Variants in CTC1 observed in about 807,000 individuals in gnomAD.
The protein encoded by CTC1 is CST complex subunit CTC1.
In CTC1, 91 loss-of-function variants were observed where a neutral mutation model predicts 136.3. The ratio of observed to expected loss-of-function variants is 0.67; its 90% CI spans 0.56 to 0.79. The LOEUF (loss-of-function observed/expected upper bound fraction) is 0.79. Among genes scored for constraint, CTC1 ranks in the 30% least tolerant of loss-of-function variants. The pLI is 0.00. For missense variants in CTC1, 1,432 were observed against 1,498.1 expected, an observed-to-expected ratio of 0.96 and a Z score of 0.73; for synonymous variants, 606 against 613.8, an observed-to-expected ratio of 0.99 and a Z score of 0.19.
In CTC1 at chr17:8,226,628, A is replaced by T. The variant is rs909079702; in HGVS notation, c.*1552T>A. The T allele has an allele frequency of 6.6e-6, 1 of 151,720 alleles. No individual in the cohort carries two copies. Among genetic ancestry groups the T allele is most frequent in the Non-Finnish European group, 1.5e-5 (1 of 68,038 alleles). The allele number at this position is 151,720 out of a possible 1,614,324, so 9.4% of individuals were successfully genotyped here. ...AATATGACGTAGTCGGCAGGATTCGAACCTGCGCGGGGAGACCCCAATGGA... is the reference window on the plus strand; with the variant it reads ...AATATGACGTAGTCGGCAGGATTCGTACCTGCGCGGGGAGACCCCAATGGA... On this transcript the variant is annotated 3_prime_UTR_variant, in exon 23 of 23. Transcript: ENST00000651323.
At chr17:8,246,720 A>G (rs558025885) in intron 1 of CTC1, among the ~76,000 whole-genome samples, 1 of 152,106 alleles carries the variant, frequency 6.6e-6, no homozygotes, top group South Asian at 2.1e-4. Flanking sequence ...CACCGTCTGT[A>G]CTTAAAAAAA....
At chr17:8,241,105 A>G (rs1378000611) in intron 2 of CTC1, among the ~76,000 whole-genome samples, 2 of 151,816 alleles carry the variant, frequency 1.3e-5, no homozygotes, top group Admixed American at 1.3e-4. Context: ...CCTGGCCAAC[A>G]TGGTAAAACC....
In CTC1 at chr17:8,237,369, C is replaced by G; in HGVS notation, c.792+6G>C. The G allele has an allele frequency of 6.2e-7, 1 of 1,614,074 alleles. No homozygotes were observed. Among genetic ancestry groups the G allele is most frequent in the Non-Finnish European group, 8.5e-7 (1 of 1,180,012 alleles). ...CTTCCATGGCTGAAATGACCCCAGT[C>G]CTCACCTGCACGATGATGGACACGT... is the stretch of plus-strand genomic sequence containing the variant. On this transcript the variant is annotated splice_donor_region_variant and intron_variant, in intron 5 of 22. Coordinates refer to ENST00000651323, the MANE Select transcript of CTC1 (RefSeq NM_025099.6).
chr17:8,231,484 GA>G lies in CTC1; in HGVS notation c.2476-16del. The G allele has an allele frequency of 1.3e-6, 2 of 1,584,772 alleles. No individual in the cohort carries two copies. The highest frequency in any genetic ancestry group is 2.3e-5 in the South Asian group (2 of 88,004). On this transcript the variant is annotated splice_polypyrimidine_tract_variant and intron_variant, in intron 14 of 22. Transcript: ENST00000651323. ...AACATTGGTGTCTGCACGGAAATGG[GA>G]AGACGACTGCCTGTGAGTGTGTGCT...
Position 8,233,035 on chromosome 17 carries a change from G to C in CTC1, c.1819-3C>G. The C allele has an allele frequency of 1.2e-6, 2 of 1,613,760 alleles. No individual in the cohort carries two copies. Among genetic ancestry groups the C allele is most frequent in the Non-Finnish European group, 1.7e-6 (2 of 1,179,780 alleles). The stretch of plus-strand genomic sequence containing the variant: ...GCCACCAGAACCCCAAGTAAAACCT[G>C]CAAGAAGATGAAGGTTGAGTTATCA... On this transcript the variant is annotated splice_region_variant and splice_polypyrimidine_tract_variant and intron_variant, in intron 10 of 22. Transcript: ENST00000651323.
rs1372177229 is a variant in CTC1, at chr17:8,242,982, T to C, written c.197+3A>G. The C allele has an allele frequency of 6.2e-7, 1 of 1,609,430 alleles. No individual in the cohort carries two copies. The highest frequency in any genetic ancestry group is 2.2e-5 in the East Asian group (1 of 44,728). On this transcript the variant is annotated splice_donor_region_variant and intron_variant, in intron 2 of 22. Coordinates refer to ENST00000651323, the MANE Select transcript of CTC1 (RefSeq NM_025099.6). ...AGCCCCCGCAACCGCCACCTCTCCT[T>C]ACCTATAGCTGAGGGGCAGTGTAGA...
Position 8,231,462 on chromosome 17 carries a change from A to G in CTC1, c.2483T>C (p.Met828Thr). The change falls in exon 15 of 23, where the codon ATG becomes ACG. Residue 828 changes from methionine to threonine, a missense_variant. Met to Thr is a moderately conservative substitution (Grantham distance 81). Coordinates refer to ENST00000651323, the MANE Select transcript of CTC1 (RefSeq NM_025099.6). Reference protein sequence around the residue: ...RLIAPGPATPMLFEKDGSSCI... With the variant: ...RLIAPGPATPTLFEKDGSSCI... ...GGATGAACCATCCTTTTCAAACAAC[A>G]TTGGTGTCTGCACGGAAATGGGAAG... 2 of 1,606,182 alleles carry G rather than the reference A, an allele frequency of 1.2e-6. No homozygotes were observed. Among genetic ancestry groups the G allele is most frequent in the South Asian group, 1.1e-5 (1 of 90,246 alleles).
At chr17:8,229,831 A>G in intron 18 of CTC1, 60 bp downstream of exon 18, 1 of 1,370,538 alleles carries the variant, frequency 7.3e-7, no homozygotes. Flanking sequence ...AGAACCAGGG[A>G]CATGTGGGAG....
In CTC1 at chr17:8,230,564, C is replaced by T; in HGVS notation, c.2757G>A (p.Leu919=). The T allele has an allele frequency of 1.9e-6, 3 of 1,614,086 alleles. No individual in the cohort carries two copies. The highest frequency in any genetic ancestry group is 2.5e-6 in the Non-Finnish European group (3 of 1,179,956). Residue 919 remains leucine (L), a splice_region_variant and synonymous_variant, in exon 16 of 23, where the codon CTG becomes CTA. Transcript: ENST00000651323. ...EPLVASLWMK[L]GNTGAMRRCV... is the part of the protein sequence containing the mutation. Reference sequence around the variant, plus strand: ...TCCCCACAAAGGAAGGGTCATTACCCAGTTTCATCCAGAGAGACGCCACAA... The same window carrying T: ...TCCCCACAAAGGAAGGGTCATTACCTAGTTTCATCCAGAGAGACGCCACAA...
At chr17:8,241,486 C>T (rs529056934) in intron 2 of CTC1, among the ~76,000 whole-genome samples, 42 of 150,616 alleles carry the variant, frequency 2.8e-4, no homozygotes, top group East Asian at 1.2e-3. Context: ...GGTGTGGTGG[C>T]GCATAGTCCC....
Position 8,234,917 on chromosome 17 carries a change from G to A in CTC1, c.1449C>T (p.Pro483=). The part of the protein sequence containing the change: ...ALEELACKLC[P]HVLRHHQFLQ... ...GGAACTGGTGGTGTCTCAGCACATG[G>A]GGACACAGCCTTGGCCAGGAAAAGC... The change falls in exon 9 of 23, where the codon CCC becomes CCT. Residue 483 remains proline, a synonymous_variant. Coordinates refer to ENST00000651323, the MANE Select transcript of CTC1 (RefSeq NM_025099.6). 1.2e-6 allele frequency: 2 copies of A among 1,601,368 alleles called. No homozygotes were observed. Among genetic ancestry groups the A allele is most frequent in the East Asian group, 2.2e-5 (1 of 44,754 alleles).
At chr17:8,234,311 G>T in intron 10 of CTC1, 144 bp downstream of exon 10, 2 of 798,062 alleles carry the variant, frequency 2.5e-6, no homozygotes, top group South Asian at 1.6e-5. Context: ...AGAATGAATT[G>T]GAGGGCCAAC....
chr17:8,232,924 T>C lies in CTC1; in HGVS notation c.1927A>G (p.Ser643Gly). 6.2e-7 allele frequency: 1 copy of C among 1,614,048 alleles called. No homozygotes were observed. The highest frequency in any genetic ancestry group is 1.7e-5 in the Admixed American group (1 of 60,016). The change falls in exon 11 of 23, where the codon AGT becomes GGT. Residue 643 changes from serine to glycine, a missense_variant. Physicochemically the swap from Ser to Gly is moderately conservative, Grantham distance 56. Coordinates refer to ENST00000651323, the MANE Select transcript of CTC1 (RefSeq NM_025099.6). ...LLLAKHSQPL[S>G]DPRLIGCLVR... ...TCCAAACCTATCAGCCGTGGGTCAC[T>C]GAGGGGTTGAGAGTGCTTGGCCAGG...
At chr17:8,233,483 A>C in intron 10 of CTC1, 1 of 155,568 alleles carries the variant, frequency 6.4e-6, no homozygotes, top group South Asian at 1.9e-4. Flanking sequence ...GTAAAAATTA[A>C]CCCAGGCCAG....
intron 1 of CTC1, among the ~76,000 whole-genome samples, chr17:8,245,736 C>T (rs1988623799): frequency 6.6e-6 from 1 of 152,044 alleles, no homozygotes; most frequent in South Asian, 2.1e-4. Flanking sequence ...TAGTTCACTA[C>T]TAGTCTGGGC....
At chr17:8,235,399 T>C (rs555298807) in intron 7 of CTC1, 114 bp from the exon 8 acceptor site, 1 of 764,730 alleles carries the variant, frequency 1.3e-6, no homozygotes, top group South Asian at 1.7e-5. Context: ...CGGAAAGCAA[T>C]TTCTCCCACG....
rs58895309 is a variant in CTC1 at position 8,242,533 on chromosome 17, G to GA, written c.197+451dup. On this transcript the variant is annotated intron_variant, in intron 2 of 22. Transcript: ENST00000651323. The stretch of plus-strand genomic sequence containing the variant: ...ACTTTTGGAAATGATAGTGTAGAGA[G>GA]AAAAAAAAAAAAAAAAAAAAATATA... Among the ~76,000 whole-genome samples the GA allele has an allele frequency of 2.8e-3, 235 of 83,820 alleles. 4 individuals are homozygous for GA. Among genetic ancestry groups the GA allele is most frequent in the Non-Finnish European group, 4.2e-3 (203 of 48,374 alleles). The allele number at this position is 83,820 out of a possible 152,430, so 55.0% of individuals were successfully genotyped here.
At chr17:8,244,068 C>CA (rs1202852775) in intron 1 of CTC1, among the ~76,000 whole-genome samples, 2 of 151,860 alleles carry the variant, frequency 1.3e-5, no homozygotes, top group Non-Finnish European at 1.5e-5. Context: ...GACACTGTCT[C>CA]AAAAAAACCA....
chr17:8,238,254 C>T lies in CTC1; in HGVS notation c.436-12G>A. ...TCCAGGTCTATGAGCTAAGAAAGAC[C>T]AAGAGCAAGGGTTAATCAGAACCTT... On this transcript the variant is annotated splice_polypyrimidine_tract_variant and intron_variant, in intron 3 of 22. Transcript: ENST00000651323. The T allele has an allele frequency of 6.3e-7, 1 of 1,591,286 alleles. No individual in the cohort carries two copies. The highest frequency in any genetic ancestry group is 2.2e-5 in the East Asian group (1 of 44,556).
Sources: gnomAD v4.1 joint callset for allele counts (sites outside exome capture counted in the v4.1 genomes callset) on GRCh38, gnomAD v4.1.1 for gene constraint, MANE v1.5 for transcripts, NCBI Gene and HGNC (gene_info 2026-07-23, HGNC 2026-07-21) for gene names.